Variants in WIPF1 observed in about 807,000 individuals in gnomAD.
WIPF1 encodes the protein WAS/WASL-interacting protein family member 1.
A neutral mutation model predicts 35.4 loss-of-function variants in WIPF1; 13 were observed. The ratio of observed to expected loss-of-function variants is 0.37; its 90% CI spans 0.24 to 0.58. WIPF1 has a LOEUF of 0.58. Ranked by LOEUF, WIPF1 falls within the 20% of genes least tolerant of loss-of-function variation. WIPF1 has a pLI of 0.74. For synonymous variants in WIPF1, 267 were observed against 266.3 expected, an observed-to-expected ratio of 1.00 and a Z score of -0.02; for missense variants, 591 against 667.0, an observed-to-expected ratio of 0.89 and a Z score of 1.25.
At chr2:174,607,357 C>T (rs1031967614) in intron 1 of WIPF1, among the ~76,000 whole-genome samples, 1 of 152,028 alleles carries the variant, frequency 6.6e-6, no homozygotes, top group East Asian at 1.9e-4. Flanking sequence ...GAGCCGAGAT[C>T]GCACCACTGC....
chr2:174,562,814 C>T (rs1036070549), intron 7 of WIPF1, among the ~76,000 whole-genome samples: 2 of 152,092 alleles, frequency 1.3e-5, no homozygotes, highest in Non-Finnish European at 2.9e-5. Flanking sequence ...ATCACTGGCT[C>T]CCAAGTACTT....
intron 1 of WIPF1, among the ~76,000 whole-genome samples, chr2:174,653,436 C>T (rs890995403): frequency 2.6e-5 from 4 of 152,010 alleles, no homozygotes; most frequent in African/African-American, 9.7e-5. Context: ...TCTAAGACTG[C>T]GTAAGAAACA....
upstream of WIPF1, among the ~76,000 whole-genome samples, chr2:174,599,233 G>C (rs1448677585): frequency 6.6e-6 from 1 of 152,158 alleles, no homozygotes; most frequent in Non-Finnish European, 1.5e-5. Flanking sequence ...GTAGCATTCA[G>C]TGGGTGGGGC....
chr2:174,608,254 A>G (rs1047160880), intron 1 of WIPF1, among the ~76,000 whole-genome samples: 3 of 152,228 alleles, frequency 2.0e-5, no homozygotes, highest in Admixed American at 1.3e-4. Context: ...GGACAGTCCC[A>G]TAACGGCTTC....
At position 174,581,271 on chromosome 2, in the gene WIPF1, A is replaced by T. The variant is rs772563552; in HGVS notation, c.181+39T>A. The stretch of plus-strand genomic sequence containing the variant: ...GGTAGGGTTGATTATTAGGCCATAA[A>T]CTGTTCCTCTCCATGGTAGATAGCC... On this transcript the variant is annotated intron_variant, in intron 3 of 7. Transcript: ENST00000679041. The T allele has an allele frequency of 7.4e-6, 12 of 1,611,276 alleles. No homozygotes were observed. In the African/African-American group the frequency reaches 1.2e-4, roughly 16 times the overall value.
chr2:174,595,112 ATATATATAT>A lies in WIPF1; in HGVS notation c.-39+2480_-39+2488del, dbSNP rs1559155611. On this transcript the variant is annotated intron_variant, in intron 1 of 7. Coordinates refer to ENST00000679041, the MANE Select transcript of WIPF1 (RefSeq NM_001375834.1). ...ACAAAAAAAAAAAAAAAAAAAAAATATATATATATATATATATATATATATATAATTAAC... is the reference window on the plus strand; with the variant it reads ...ACAAAAAAAAAAAAAAAAAAAAAATAATATATATATATATATATAATTAAC... Among the ~76,000 whole-genome samples, 217 of 49,104 alleles carry A rather than the reference ATATATATAT, an allele frequency of 4.4e-3. 2 individuals are homozygous for A. The highest frequency in any genetic ancestry group is 0.012 in the African/African-American group (157 of 13,126). The allele number at this position is 49,104 out of a possible 152,430, so 32.2% of individuals were successfully genotyped here.
At chr2:174,680,657 G>C (rs1282700268) in intron 1 of WIPF1, among the ~76,000 whole-genome samples, 1 of 152,176 alleles carries the variant, frequency 6.6e-6, no homozygotes, top group African/African-American at 2.4e-5. Context: ...CACAGACCCA[G>C]TAATGAATAC....
At chr2:174,570,877 C>CGCATCAAGTGAGCATATTCTT in intron 5 of WIPF1, among the ~76,000 whole-genome samples, 1 of 152,146 alleles carries the variant, frequency 6.6e-6, no homozygotes, top group African/African-American at 2.4e-5. Context: ...CACTATAAAA[C>CGCATCAAGTGAGCATATTCTT]GCATCAAGTG....
Position 174,571,313 on chromosome 2 carries a change from A to C in WIPF1, c.1129+363T>G. On this transcript the variant is annotated intron_variant, in intron 5 of 7. Transcript: ENST00000679041. This position sits in a 1 kb window ranked among gnomAD's most constrained non-coding sequence, Gnocchi z 4.6. ...CAGAGCCCTCCTGCGGGAGGTGGGG[A>C]CTTATTTTCCCAATTAAGACCGCCG... 8 of 469,782 alleles carry C rather than the reference A, an allele frequency of 1.7e-5. No individual in the cohort carries two copies. The highest frequency in any genetic ancestry group is 3.0e-5 in the South Asian group (1 of 33,784). 29.1% of individuals were successfully genotyped at this position (469,782 alleles called of 1,614,324 possible). A position where few individuals can be genotyped will look rare whatever the true frequency, so the allele number is the denominator to read the frequency against.
At chr2:174,585,729 G>A in intron 1 of WIPF1, 118 bp from the exon 2 acceptor site, 1 of 728,670 alleles carries the variant, frequency 1.4e-6, no homozygotes, top group South Asian at 1.7e-5. Flanking sequence ...AGAAGAGATG[G>A]GCTTACCTTT....
At position 174,571,962 on chromosome 2, in the gene WIPF1, C is replaced by G. The variant is rs369696922; in HGVS notation, c.843G>C (p.Ala281=). The G allele has an allele frequency of 6.4e-7, 1 of 1,569,294 alleles. No homozygotes were observed. The highest frequency in any genetic ancestry group is 1.9e-5 in the Admixed American group (1 of 53,600). ...VGNRPSIHRE[A]VPPPPPQNNK... ...TGTTCTGAGGAGGAGGAGGGGGAAC[C>G]GCTTCCCTGTGGATGGAGGGCCTGT... The change falls in exon 5 of 8, where the codon GCG becomes GCC. Residue 281 remains alanine, a synonymous_variant. Transcript: ENST00000679041. This position sits in a 1 kb window ranked among gnomAD's most constrained non-coding sequence, Gnocchi z 4.6.
chr2:174,564,728 G>T (rs779300633), intron 7 of WIPF1, among the ~76,000 whole-genome samples: 1 of 151,608 alleles, frequency 6.6e-6, no homozygotes. Context: ...GAGTCTATAT[G>T]AACAACTCCT....
chr2:174,562,543 A>G lies in WIPF1; in HGVS notation c.*4T>C. On this transcript the variant is annotated 3_prime_UTR_variant, in exon 8 of 8. Transcript: ENST00000679041. ...GAGCTTGGGTAGAGAAGAGCAGGCA[A>G]AGATCACCTCGGGATGGGAGGGAGT... 1 of 1,614,232 alleles carries G rather than the reference A, an allele frequency of 6.2e-7. No homozygotes were observed. The highest frequency in any genetic ancestry group is 8.5e-7 in the Non-Finnish European group (1 of 1,180,034).
At position 174,572,039 on chromosome 2, in the gene WIPF1, G is replaced by A; in HGVS notation, c.766C>T (p.Pro256Ser). 6.5e-7 allele frequency: 1 copy of A among 1,549,702 alleles called. No individual in the cohort carries two copies. Among genetic ancestry groups the A allele is most frequent in the Non-Finnish European group, 8.7e-7 (1 of 1,150,546 alleles). ...GGTTTGTCATCCAAGGCCCTGCTGG[G>A]GGTAGGCGGCAGGGGAGGCCGGTTG... ...FSNRPPLPPT[P>S]SRALDDKPPP... Residue 256 changes from proline to serine, a missense_variant, in exon 5 of 8, where the codon CCC becomes TCC. Pro to Ser is a moderately conservative substitution (Grantham distance 74). This residue lies in a region of WIPF1 where 471 missense variants were observed against 501.1 expected (regional missense o/e 0.94). Coordinates refer to ENST00000679041, the MANE Select transcript of WIPF1 (RefSeq NM_001375834.1).
chr2:174,675,867 G>GT (rs1427123114), intron 1 of WIPF1, among the ~76,000 whole-genome samples: 18 of 150,904 alleles, frequency 1.2e-4, no homozygotes, highest in South Asian at 8.4e-4. Flanking sequence ...AGGGTGGGCC[G>GT]TAAGAGTTGG....
chr2:174,572,340 T>C lies in WIPF1; in HGVS notation c.465A>G (p.Pro155=). Residue 155 remains proline (P), a synonymous_variant, in exon 5 of 8, where the codon CCA becomes CCG. Coordinates refer to ENST00000679041, the MANE Select transcript of WIPF1 (RefSeq NM_001375834.1). ...SGPGRFPVPS[P]GHRSGPPEPQ... ...GCTCTGGGGGACCACTTCTGTGGCC[T>C]GGAGAAGGCACAGGAAACCTCCCTG... The C allele has an allele frequency of 6.2e-7, 1 of 1,613,856 alleles. No homozygotes were observed. The highest frequency in any genetic ancestry group is 1.1e-5 in the South Asian group (1 of 91,056).
intron 3 of WIPF1, among the ~76,000 whole-genome samples, chr2:174,580,232 C>T (rs1030139147): frequency 1.3e-5 from 2 of 152,086 alleles, no homozygotes; most frequent in African/African-American, 4.8e-5. Flanking sequence ...ATTACAGGTG[C>T]GAGCCACTGC....
At chr2:174,605,387 G>A (rs1221763540) in intron 1 of WIPF1, among the ~76,000 whole-genome samples, 3 of 152,144 alleles carry the variant, frequency 2.0e-5, no homozygotes, top group East Asian at 3.9e-4. Flanking sequence ...ACAGTGAGCC[G>A]AGATTACGCC....
intron 1 of WIPF1, among the ~76,000 whole-genome samples, chr2:174,662,780 G>A (rs1381736227): frequency 1.3e-5 from 2 of 152,190 alleles, no homozygotes; most frequent in African/African-American, 4.8e-5. Flanking sequence ...TGTGGTCCCT[G>A]CTAAGAGTCT....
Sources: allele counts gnomAD v4.1 joint callset (sites outside exome capture counted in the v4.1 genomes callset), GRCh38; gene constraint gnomAD v4.1.1; regional missense constraint gnomAD v4.1.1; non-coding constraint Gnocchi (gnomAD v3.1); transcripts MANE v1.5; gene names NCBI Gene and HGNC (gene_info 2026-07-23, HGNC 2026-07-21).